NEDD4L: variants seen among roughly 807,000 people sequenced by gnomAD.
The protein encoded by NEDD4L is E3 ubiquitin-protein ligase NEDD4-like.
NEDD4L carries 54 observed loss-of-function variants against 148.9 expected under a neutral mutation model. That is an observed-to-expected ratio of 0.36 (90% confidence interval 0.29 to 0.45). NEDD4L has a LOEUF of 0.45. Ranked by LOEUF, NEDD4L falls within the 20% of genes least tolerant of loss-of-function variation. The pLI is 1.00. For missense variants in NEDD4L, 856 were observed against 1,233.8 expected (o/e 0.69, Z 4.59); for synonymous variants, 433 against 440.7 (o/e 0.98, Z 0.22).
At chr18:58,112,489 A>T (rs974273844) in intron 1 of NEDD4L, among the ~76,000 whole-genome samples, 12 of 151,398 alleles carry the variant, frequency 7.9e-5, no homozygotes, top group East Asian at 1.9e-4. Context: ...GATTTTTAAA[A>T]TTTTATTATT....
chr18:58,068,884 C>G (rs915986602), intron 1 of NEDD4L, among the ~76,000 whole-genome samples: 1 of 152,186 alleles, frequency 6.6e-6, no homozygotes, highest in Non-Finnish European at 1.5e-5. Flanking sequence ...CGCCTGTAAT[C>G]CCAGCACTTT....
chr18:58,215,036 T>C (rs1198811458), intron 2 of NEDD4L, among the ~76,000 whole-genome samples: 1 of 152,116 alleles, frequency 6.6e-6, no homozygotes, highest in East Asian at 1.9e-4. Context: ...GGTCTTGAAC[T>C]CCTGACCTCA....
chr18:58,361,917 C>T (rs1171939271), intron 19 of NEDD4L, among the ~76,000 whole-genome samples: 1 of 151,750 alleles, frequency 6.6e-6, no homozygotes, highest in African/African-American at 2.4e-5. Flanking sequence ...GTAATCTCTT[C>T]AGAAGCTGCA....
At chr18:58,319,882 A>T (rs1039777283) in intron 6 of NEDD4L, among the ~76,000 whole-genome samples, 4 of 152,118 alleles carry the variant, frequency 2.6e-5, no homozygotes, top group Non-Finnish European at 5.9e-5. Context: ...GCCCTTGAGA[A>T]CTTTATAGAA....
chr18:58,157,487 A>G (rs2035649217), intron 1 of NEDD4L, among the ~76,000 whole-genome samples: 3 of 152,040 alleles, frequency 2.0e-5, no homozygotes, highest in Admixed American at 2.0e-4. Context: ...CACCCTTTCT[A>G]TCTTATGGAA....
At chr18:58,190,302 T>C (rs1353600719) in intron 2 of NEDD4L, among the ~76,000 whole-genome samples, 2 of 152,206 alleles carry the variant, frequency 1.3e-5, no homozygotes, top group African/African-American at 4.8e-5. Flanking sequence ...GAATTAGTTA[T>C]TAAGATGAAG....
intron 5 of NEDD4L, among the ~76,000 whole-genome samples, chr18:58,302,334 G>A (rs1600920417): frequency 6.6e-6 from 1 of 152,308 alleles, no homozygotes; most frequent in South Asian, 2.1e-4. Context: ...CTTGCATCTT[G>A]CTCCTTATGC....
intron 19 of NEDD4L, among the ~76,000 whole-genome samples, chr18:58,363,311 T>C (rs2045723540): frequency 6.6e-6 from 1 of 152,216 alleles, no homozygotes; most frequent in Non-Finnish European, 1.5e-5. Flanking sequence ...AGGATCAGTA[T>C]ATTTTATTAA....
intron 1 of NEDD4L, among the ~76,000 whole-genome samples, chr18:58,135,936 C>A (rs1400670807): frequency 6.6e-6 from 1 of 152,218 alleles, no homozygotes; most frequent in Non-Finnish European, 1.5e-5. Context: ...GGCCATACCC[C>A]TTGTGTGGTT....
At chr18:58,106,728 T>C (rs2085089108) in intron 1 of NEDD4L, among the ~76,000 whole-genome samples, 1 of 152,218 alleles carries the variant, frequency 6.6e-6, no homozygotes, top group South Asian at 2.1e-4. Context: ...ATAACATTTT[T>C]GGTCACATTT....
intron 1 of NEDD4L, among the ~76,000 whole-genome samples, chr18:58,074,261 G>GTT (rs1317762317): frequency 1.0e-4 from 15 of 148,516 alleles, no homozygotes; most frequent in African/African-American, 3.8e-4. Flanking sequence ...ATCATGCTAA[G>GTT]ATTTTTTTTT....
At chr18:58,158,828 C>T (rs1444244755) in intron 1 of NEDD4L, among the ~76,000 whole-genome samples, 3 of 152,132 alleles carry the variant, frequency 2.0e-5, no homozygotes, top group African/African-American at 4.8e-5. Flanking sequence ...TCTTTGTTCT[C>T]ACCACTCACA....
chr18:58,089,998 C>A (rs2083977529), intron 1 of NEDD4L, among the ~76,000 whole-genome samples: 1 of 152,102 alleles, frequency 6.6e-6, no homozygotes, highest in Non-Finnish European at 1.5e-5. Context: ...TGCCACCACG[C>A]CCGGCTAATT....
intron 20 of NEDD4L, 50 bp from the exon 21 acceptor site, chr18:58,365,949 A>G (rs2046063423): frequency 3.1e-6 from 4 of 1,287,352 alleles, no homozygotes; most frequent in East Asian, 4.9e-5. Context: ...TTAGAAAACA[A>G]AGTGTGTATT....
chr18:58,231,105 G>A (rs2045137701), intron 2 of NEDD4L, among the ~76,000 whole-genome samples: 1 of 151,826 alleles, frequency 6.6e-6, no homozygotes, highest in African/African-American at 2.4e-5. Flanking sequence ...AAAAAAATTA[G>A]CCATGTGTGG....
At chr18:58,107,380 A>G (rs2085126900) in intron 1 of NEDD4L, among the ~76,000 whole-genome samples, 1 of 152,160 alleles carries the variant, frequency 6.6e-6, no homozygotes, top group African/African-American at 2.4e-5. Flanking sequence ...ATTTGGAAGG[A>G]TTAGAACTGA....
At chr18:58,150,828 G>C (rs941445488) in intron 1 of NEDD4L, among the ~76,000 whole-genome samples, 6 of 152,036 alleles carry the variant, frequency 3.9e-5, no homozygotes, top group African/African-American at 1.5e-4. Context: ...ACCCAGCCAA[G>C]GGTTTTCCAT....
intron 30 of NEDD4L, among the ~76,000 whole-genome samples, chr18:58,395,151 A>G (rs2050322371): frequency 6.6e-6 from 1 of 152,188 alleles, no homozygotes; most frequent in Admixed American, 6.5e-5. Context: ...GCACTCCATG[A>G]ACATGAGCTC....
chr18:58,322,745 G>T (rs1469754339), intron 7 of NEDD4L, among the ~76,000 whole-genome samples: 2 of 113,254 alleles, frequency 1.8e-5, no homozygotes, highest in Non-Finnish European at 3.5e-5. Context: ...TGCTGTGGGT[G>T]TAGGTGGGGA....
Sources: gnomAD v4.1 joint callset for allele counts (sites outside exome capture counted in the v4.1 genomes callset) on GRCh38, gnomAD v4.1.1 for gene constraint, MANE v1.5 for transcripts, NCBI Gene and HGNC (gene_info 2026-07-23, HGNC 2026-07-21) for gene names.